Variants in RNF13 observed in about 807,000 individuals in gnomAD.
RNF13 encodes the protein ring finger protein 13, also known as E3 ubiquitin-protein ligase RNF13.
Under a neutral mutation model 37.7 loss-of-function variants are expected in RNF13, and 19 were observed. The ratio of observed to expected loss-of-function variants is 0.50; its 90% CI spans 0.35 to 0.74. RNF13 has a LOEUF of 0.74. Ranked by LOEUF, RNF13 falls within the 30% of genes least tolerant of loss-of-function variation. The pLI is 0.01. For synonymous variants in RNF13, 144 were observed against 157.8 expected (o/e 0.91, Z 0.65); for missense variants, 375 against 453.0 (o/e 0.83, Z 1.56).
chr3:149,944,936 G>GT (rs1720624122), intron 8 of RNF13, among the ~76,000 whole-genome samples: 1 of 152,090 alleles, frequency 6.6e-6, no homozygotes, highest in African/African-American at 2.4e-5. Flanking sequence ...GGTTTTTATG[G>GT]TTTTAGGTCT....
Position 149,938,478 on chromosome 3 carries a change from GTTA to G in RNF13, c.700+17260_700+17262del, listed in dbSNP as rs1288810746. On this transcript the variant is annotated intron_variant, in intron 8 of 9. Transcript: ENST00000392894. ...ATGAGCCACCGTGCCTGGCCATATT[GTTA>G]TTATTATTTTTTTTTTTTTTGGAGA... 4.7e-5 allele frequency among the ~76,000 whole-genome samples: 7 copies of G among 149,470 alleles called. No individual in the cohort carries two copies. The South Asian group carries it at 8.4e-4, about 18-fold the overall frequency.
At chr3:149,958,369 CT>C (rs1475655136) in intron 8 of RNF13, among the ~76,000 whole-genome samples, 7 of 152,292 alleles carry the variant, frequency 4.6e-5, no homozygotes, top group African/African-American at 1.2e-4. Flanking sequence ...CTTCTTCCCC[CT>C]ATCTTCAAAG....
At chr3:149,876,362 T>C (rs1712693298) in intron 4 of RNF13, among the ~76,000 whole-genome samples, 1 of 152,214 alleles carries the variant, frequency 6.6e-6, no homozygotes, top group Non-Finnish European at 1.5e-5. Flanking sequence ...GATATTATTC[T>C]CCCTTCCCAC....
chr3:149,875,979 A>ATTG (rs1712645304), intron 4 of RNF13, among the ~76,000 whole-genome samples: 3 of 98,518 alleles, frequency 3.0e-5, no homozygotes, highest in African/African-American at 1.0e-4. Context: ...CGACTTTAAA[A>ATTG]AAAATCTGTA....
intron 1 of RNF13, among the ~76,000 whole-genome samples, chr3:149,828,716 C>G (rs1029817610): frequency 6.6e-6 from 1 of 152,024 alleles, no homozygotes; most frequent in African/African-American, 2.4e-5. Flanking sequence ...CTACCCACTG[C>G]CTATTGACTT....
intron 3 of RNF13, among the ~76,000 whole-genome samples, chr3:149,856,155 T>C (rs1215613534): frequency 6.6e-6 from 1 of 152,118 alleles, no homozygotes; most frequent in Non-Finnish European, 1.5e-5. Context: ...TCTGTCTGCT[T>C]TTTGCACTTG....
chr3:149,935,221 C>A (rs1719557052), intron 8 of RNF13, among the ~76,000 whole-genome samples: 1 of 152,096 alleles, frequency 6.6e-6, no homozygotes, highest in Admixed American at 6.6e-5. Flanking sequence ...TTTCCAATTG[C>A]ATGGAATATC....
rs530796588 is a variant in RNF13, at chr3:149,895,313, C to T, written c.322-160C>T. The T allele has an allele frequency of 1.2e-5, 6 of 485,802 alleles. No homozygotes were observed. The East Asian group carries it at 2.0e-4, about 16-fold the overall frequency. The allele number at this position is 485,802 out of a possible 1,614,324, so 30.1% of individuals were successfully genotyped here. ...TAAGCCTGATTACAGCAAGTTTCTA[C>T]CTCTTTAGAGCAAAACAGATTAATG... is the stretch of plus-strand genomic sequence containing the variant. On this transcript the variant is annotated intron_variant, in intron 4 of 9. Coordinates refer to ENST00000392894, the MANE Select transcript of RNF13 (RefSeq NM_183381.3).
At chr3:149,881,113 A>G (rs958189823) in intron 4 of RNF13, among the ~76,000 whole-genome samples, 1 of 152,202 alleles carries the variant, frequency 6.6e-6, no homozygotes, top group Non-Finnish European at 1.5e-5. Flanking sequence ...ATCATGACCT[A>G]TAGTTTGAAA....
At chr3:149,918,042 T>G (rs1717724554) in intron 7 of RNF13, among the ~76,000 whole-genome samples, 1 of 152,176 alleles carries the variant, frequency 6.6e-6, no homozygotes, top group South Asian at 2.1e-4. Context: ...CCACATTTTA[T>G]TGTAATTTTA....
chr3:149,912,208 G>C (rs1447347437), intron 7 of RNF13, 125 bp downstream of exon 7: 6 of 515,012 alleles, frequency 1.2e-5, no homozygotes, highest in Non-Finnish European at 2.0e-5. Context: ...ATTCATTTAT[G>C]TGAAGTTCTA....
Position 149,867,351 on chromosome 3 carries a change from C to T in RNF13, c.196-4678C>T, listed in dbSNP as rs953068239. Among the ~76,000 whole-genome samples the T allele has an allele frequency of 5.9e-5, 9 of 151,708 alleles. 1 individual carries two copies. The highest frequency in any genetic ancestry group is 1.0e-4 in the Non-Finnish European group (7 of 67,910). ...CCCTATCTCGGCTCACTGCAAGCTC[C>T]GCCTCCCGGGTTCACACCATTCTCC... On this transcript the variant is annotated intron_variant, in intron 3 of 9. Coordinates refer to ENST00000392894, the MANE Select transcript of RNF13 (RefSeq NM_183381.3).
At chr3:149,859,933 AG>A (rs1310159092) in intron 3 of RNF13, among the ~76,000 whole-genome samples, 1 of 152,134 alleles carries the variant, frequency 6.6e-6, no homozygotes, top group African/African-American at 2.4e-5. Flanking sequence ...CTGAACAAAA[AG>A]AACAAAGCTG....
intron 5 of RNF13, among the ~76,000 whole-genome samples, chr3:149,900,486 G>C (rs1383574798): frequency 1.3e-5 from 2 of 152,008 alleles, no homozygotes; most frequent in East Asian, 3.9e-4. Flanking sequence ...AGACAGGAGG[G>C]GCACTTGAGC....
intron 6 of RNF13, among the ~76,000 whole-genome samples, chr3:149,906,698 G>A (rs1038941794): frequency 5.4e-5 from 7 of 130,648 alleles, no homozygotes; most frequent in African/African-American, 1.5e-4. Context: ...CTCCAGTTGC[G>A]CAGGCTGGAG....
intron 3 of RNF13, among the ~76,000 whole-genome samples, chr3:149,860,270 A>AAAAAAAAAT (rs1302318768): frequency 3.1e-4 from 32 of 104,096 alleles, no homozygotes; most frequent in African/African-American, 1.2e-3. Flanking sequence ...AAAAAAAAAA[A>AAAAAAAAAT]ATATATATAT....
rs140391447 is a variant in RNF13 at position 149,829,311 on chromosome 3, G to A, written c.-17+15958G>A. Among the ~76,000 whole-genome samples, 907 of 152,150 alleles carry A rather than the reference G, an allele frequency of 6.0e-3. 6 individuals are homozygous for A. The highest frequency in any genetic ancestry group is 0.021 in the African/African-American group (862 of 41,502). On this transcript the variant is annotated intron_variant, in intron 1 of 9. Transcript: ENST00000392894. ...GACAGAGTTTTATCATGTTGGCCAG[G>A]CTGGTCTCGAACTCCTGACCTCGGG...
At chr3:149,902,711 T>C (rs930314516) in intron 6 of RNF13, among the ~76,000 whole-genome samples, 16 of 152,070 alleles carry the variant, frequency 1.1e-4, no homozygotes, top group Admixed American at 1.0e-3. Context: ...GGCACAGCTG[T>C]CTCAGCTAAT....
chr3:149,860,973 A>G (rs1724193851), intron 3 of RNF13, among the ~76,000 whole-genome samples: 1 of 152,190 alleles, frequency 6.6e-6, no homozygotes, highest in Admixed American at 6.5e-5. Context: ...TTTTCAAAAG[A>G]AGACATACAA....
Sources: gnomAD v4.1 joint callset for allele counts (sites outside exome capture counted in the v4.1 genomes callset) on GRCh38, gnomAD v4.1.1 for gene constraint, MANE v1.5 for transcripts, NCBI Gene and HGNC (gene_info 2026-07-23, HGNC 2026-07-21) for gene names.